Variants in PIK3C2G observed in about 807,000 individuals in gnomAD.
PIK3C2G encodes phosphatidylinositol 3-kinase C2 domain-containing subunit gamma.
A neutral mutation model predicts 181.1 loss-of-function variants in PIK3C2G; 168 were observed. The ratio of observed to expected loss-of-function variants is 0.93; its 90% CI spans 0.82 to 1.05. PIK3C2G has a LOEUF of 1.05. PIK3C2G is among the 50% of genes least tolerant of loss of function. PIK3C2G has a pLI of 0.00. For missense variants in PIK3C2G, 1,869 were observed against 1,732.8 expected (o/e 1.08, Z -1.40); for synonymous variants, 573 against 592.2 (o/e 0.97, Z 0.47).
chr12:18,562,393 A>G (rs1039187796), intron 26 of PIK3C2G, among the ~76,000 whole-genome samples: 11 of 152,142 alleles, frequency 7.2e-5, no homozygotes, highest in Non-Finnish European at 1.5e-4. Context: ...CGGCCTTCCA[A>G]AGTGCTGGGA....
chr12:18,281,984 T>C lies in PIK3C2G; in HGVS notation c.-78-20T>C, dbSNP rs1196020427. 8.6e-6 allele frequency: 6 copies of C among 694,960 alleles called. No individual in the cohort carries two copies. The highest frequency in any genetic ancestry group is 1.2e-5 in the Non-Finnish European group (5 of 411,158). The allele number at this position is 694,960 out of a possible 1,614,324, so 43.0% of individuals were successfully genotyped here. ...TCTTTCAAATTCAATATATTTTCTT[T>C]CATTTTATGCTTTTTCTAGGAAAAT... is the stretch of plus-strand genomic sequence containing the variant. On this transcript the variant is annotated intron_variant, in intron 1 of 32. Transcript: ENST00000538779.
Position 18,609,735 on chromosome 12 carries a change from G to A in PIK3C2G, c.4182+106G>A, listed in dbSNP as rs900761492. 28 of 654,180 alleles carry A rather than the reference G, an allele frequency of 4.3e-5. No homozygotes were observed. The South Asian group carries it at 4.3e-4, about 10-fold the overall frequency. The allele number at this position is 654,180 out of a possible 1,614,324, so 40.5% of individuals were successfully genotyped here. ...ATTAGCTAGAAGAATGGGTATCTCC[G>A]CCAAGTTTAAGTAAGAAACAATGAG... On this transcript the variant is annotated intron_variant, in intron 31 of 32. Transcript: ENST00000538779.
chr12:18,255,583 G>A (rs1948137957), intron 1 of PIK3C2G, among the ~76,000 whole-genome samples: 1 of 152,162 alleles, frequency 6.6e-6, no homozygotes, highest in Non-Finnish European at 1.5e-5. Context: ...GAGGGCGAGG[G>A]AGCAGACAGG....
chr12:18,459,464 A>C (rs1022518511), intron 18 of PIK3C2G, among the ~76,000 whole-genome samples: 2 of 152,206 alleles, frequency 1.3e-5, no homozygotes, highest in African/African-American at 4.8e-5. Flanking sequence ...TCTCAAATAA[A>C]TGTTCATGGG....
chr12:18,412,493 C>T (rs1944918521), intron 16 of PIK3C2G, among the ~76,000 whole-genome samples: 1 of 152,094 alleles, frequency 6.6e-6, no homozygotes, highest in South Asian at 2.1e-4. Context: ...GAGAATCCAG[C>T]TCTCTTTCAT....
chr12:18,704,297 G>A, the PIK3C2G span, among the ~76,000 whole-genome samples: 1 of 152,110 alleles, frequency 6.6e-6, no homozygotes, highest in African/African-American at 2.4e-5. Context: ...ACAAGAAAAT[G>A]AAAATTTGGG....
At chr12:18,459,906 G>T (rs1947825430) in intron 18 of PIK3C2G, among the ~76,000 whole-genome samples, 2 of 152,084 alleles carry the variant, frequency 1.3e-5, no homozygotes, top group Non-Finnish European at 2.9e-5. Context: ...GAGACTACAG[G>T]CACCTGCCAC....
chr12:18,396,170 G>C (rs1016192528), intron 15 of PIK3C2G, among the ~76,000 whole-genome samples: 1 of 151,412 alleles, frequency 6.6e-6, no homozygotes, highest in Non-Finnish European at 1.5e-5. Context: ...TAAGCAATTA[G>C]ATTTTATATA....
At position 18,293,965 on chromosome 12, in the gene PIK3C2G, C is replaced by T; in HGVS notation, c.984C>T (p.Leu328=). Residue 328 remains leucine (L), a synonymous_variant, in exon 5 of 33, where the codon CTC becomes CTT. Coordinates refer to ENST00000538779, the MANE Select transcript of PIK3C2G (RefSeq NM_001288772.2). ...ILHFCTNDQL[L]PKDHILSVCG... is the part of the protein sequence containing the mutation. ...ATTTTTGCACAAATGACCAGCTACTCCCCAAAGATCATATTCTAAGTGTAT... is the reference window on the plus strand; with the variant it reads ...ATTTTTGCACAAATGACCAGCTACTTCCCAAAGATCATATTCTAAGTGTAT... 6.2e-7 allele frequency: 1 copy of T among 1,600,706 alleles called. No homozygotes were observed. The highest frequency in any genetic ancestry group is 2.2e-5 in the East Asian group (1 of 44,702).
At chr12:18,255,753 C>T (rs143973950) in intron 1 of PIK3C2G, among the ~76,000 whole-genome samples, 26 of 152,212 alleles carry the variant, frequency 1.7e-4, no homozygotes, top group African/African-American at 4.8e-4. Flanking sequence ...GGAAAGAAGA[C>T]GGTAAAAAAT....
At chr12:18,529,868 A>T (rs755061679) in intron 24 of PIK3C2G, among the ~76,000 whole-genome samples, 8 of 152,180 alleles carry the variant, frequency 5.3e-5, no homozygotes, top group Non-Finnish European at 1.2e-4. Context: ...GGTGGGGGAA[A>T]GACAGCCTAG....
At chr12:18,337,414 G>A (rs2137584989) in intron 8 of PIK3C2G, among the ~76,000 whole-genome samples, 1 of 152,250 alleles carries the variant, frequency 6.6e-6, no homozygotes, top group African/African-American at 2.4e-5. Context: ...TGTCATTGCT[G>A]TAGGTGTATT....
intron 24 of PIK3C2G, among the ~76,000 whole-genome samples, chr12:18,507,635 C>G (rs561863796): frequency 1.2e-3 from 187 of 151,874 alleles, no homozygotes; most frequent in African/African-American, 4.3e-3. Context: ...CTCTATCTAC[C>G]TTTTTCTAAA....
rs774591363 is a variant in PIK3C2G, at chr12:18,346,782, A to T, written c.1571A>T (p.His524Leu). ...TATCTAAATCCCGGGCTTCCTTCCC[A>T]CCTCAGCTTCACAGTGTATGCAGCA... is the stretch of plus-strand genomic sequence containing the variant. The part of the protein sequence containing the change: ...TSYLNPGLPS[H>L]LSFTVYAAHN... The change falls in exon 11 of 33, where the codon CAC becomes CTC. Residue 524 changes from histidine (H) to leucine (L), a missense_variant. His to Leu is a moderately conservative substitution (Grantham distance 99). Coordinates refer to ENST00000538779, the MANE Select transcript of PIK3C2G (RefSeq NM_001288772.2). 1.9e-6 allele frequency: 3 copies of T among 1,613,718 alleles called. No individual in the cohort carries two copies. In the African/African-American group the frequency reaches 4.0e-5, roughly 22 times the overall value.
At chr12:18,680,687 C>T in the PIK3C2G span, among the ~76,000 whole-genome samples, 3 of 151,988 alleles carry the variant, frequency 2.0e-5, no homozygotes, top group Non-Finnish European at 4.4e-5. Context: ...CAAAGACAAC[C>T]AGGAACACAC....
chr12:18,562,598 T>A, intron 26 of PIK3C2G, 105 bp from the exon 27 acceptor site: 1 of 672,430 alleles, frequency 1.5e-6, no homozygotes. Flanking sequence ...ACATGGTTCT[T>A]GGCTTTTTCC....
At chr12:18,311,172 G>A (rs1464132570) in intron 5 of PIK3C2G, among the ~76,000 whole-genome samples, 1 of 151,562 alleles carries the variant, frequency 6.6e-6, no homozygotes, top group Non-Finnish European at 1.5e-5. Flanking sequence ...TGATAATTAT[G>A]GTGCCAGATT....
chr12:18,701,633 C>G, the PIK3C2G span: 12 of 1,592,290 alleles, frequency 7.5e-6, no homozygotes, highest in African/African-American at 6.7e-5. Flanking sequence ...CCTCCTCCTC[C>G]TCCTCCTCCT....
intron 14 of PIK3C2G, among the ~76,000 whole-genome samples, chr12:18,387,420 T>C (rs1426692026): frequency 6.6e-6 from 1 of 152,138 alleles, no homozygotes; most frequent in Non-Finnish European, 1.5e-5. Context: ...TGTTTGACAC[T>C]TCAAGCTTCA....
Sources: allele counts gnomAD v4.1 joint callset (sites outside exome capture counted in the v4.1 genomes callset), GRCh38; gene constraint gnomAD v4.1.1; transcripts MANE v1.5; gene names NCBI Gene and HGNC (gene_info 2026-07-23, HGNC 2026-07-21).